Variants in SLC17A4 observed in about 807,000 individuals in gnomAD.
SLC17A4 encodes probable small intestine urate exporter.
SLC17A4 carries 33 observed loss-of-function variants against 52.5 expected under a neutral mutation model. That is an observed-to-expected ratio of 0.63 (90% CI 0.48 to 0.84). SLC17A4 has a LOEUF of 0.84. Among genes scored for constraint, SLC17A4 ranks in the 40% least tolerant of loss-of-function variants. The pLI, the probability that SLC17A4 is intolerant of heterozygous loss-of-function variation, is 0.00. For synonymous variants in SLC17A4, 225 were observed against 216.2 expected (o/e 1.04, Z -0.36); for missense variants, 585 against 597.1 (o/e 0.98, Z 0.21).
chr6:25,762,028 G>C lies in SLC17A4; in HGVS notation c.66G>C (p.Val22=). The C allele has an allele frequency of 6.2e-7, 1 of 1,613,260 alleles. No individual in the cohort carries two copies. Among genetic ancestry groups the C allele is most frequent in the African/African-American group, 1.3e-5 (1 of 74,990 alleles). The change falls in exon 2 of 12, where the codon GTG becomes GTC. Residue 22 remains valine (V), a synonymous_variant. Coordinates refer to ENST00000377905, the MANE Select transcript of SLC17A4 (RefSeq NM_005495.3). ...TTTCCAGTGATGGCAATTTAAACGT[G>C]GCTCAAGAGGAATGCTCCAGGAAAG... ...GDISSDGNLN[V]AQEECSRKGF... is the part of the protein sequence containing the mutation.
At chr6:25,769,853 A>G (rs1762333864) in intron 3 of SLC17A4, among the ~76,000 whole-genome samples, 1 of 151,414 alleles carries the variant, frequency 6.6e-6, no homozygotes. Context: ...ACTCTCTTAT[A>G]TTTTAATTTT....
chr6:25,760,021 C>A lies in SLC17A4; in HGVS notation c.-36-1906C>A, dbSNP rs367925605. Among the ~76,000 whole-genome samples the A allele has an allele frequency of 2.6e-5, 4 of 152,316 alleles. No homozygotes were observed. In the East Asian group the frequency reaches 7.7e-4, roughly 29 times the overall value. ...TGTGCTTATTAGTCTCTGGTACACA[C>A]CGTGAAGCAGCAATACAAGTGGGAG... is the stretch of plus-strand genomic sequence containing the variant. On this transcript the variant is annotated intron_variant, in intron 1 of 11. Transcript: ENST00000377905.
intron 6 of SLC17A4, among the ~76,000 whole-genome samples, 193 bp downstream of exon 6, chr6:25,771,205 G>A (rs1279767533): frequency 6.6e-6 from 1 of 152,134 alleles, no homozygotes; most frequent in Non-Finnish European, 1.5e-5. Context: ...GACATTAGAG[G>A]CATCATAACA....
chr6:25,765,970 C>G (rs1027018974), intron 2 of SLC17A4, among the ~76,000 whole-genome samples: 3 of 151,488 alleles, frequency 2.0e-5, no homozygotes, highest in African/African-American at 7.3e-5. Flanking sequence ...TAAATACAAG[C>G]AATTATGAGA....
At chr6:25,771,043 A>G (rs1199074671) in intron 6 of SLC17A4, 31 bp downstream of exon 6, 3 of 1,547,988 alleles carry the variant, frequency 1.9e-6, no homozygotes, top group Non-Finnish European at 2.7e-6. Flanking sequence ...TCCAATTTTT[A>G]TGACAGAGAC....
At chr6:25,762,831 C>T (rs151020638) in intron 2 of SLC17A4, among the ~76,000 whole-genome samples, 253 of 152,318 alleles carry the variant, frequency 1.7e-3, no homozygotes, top group African/African-American at 5.5e-3. Flanking sequence ...TTCCAGTAGT[C>T]TCGGCTGAAG....
intron 5 of SLC17A4, 99 bp downstream of exon 5, chr6:25,770,570 C>T: frequency 9.3e-7 from 1 of 1,074,242 alleles, no homozygotes; most frequent in Non-Finnish European, 1.4e-6. Context: ...ATCTCTGTGT[C>T]TTCATAGTCC....
At chr6:25,773,481 C>A (rs375875577) in intron 7 of SLC17A4, 32 bp from the exon 8 acceptor site, 1 of 1,612,882 alleles carries the variant, frequency 6.2e-7, no homozygotes, top group South Asian at 1.1e-5. Flanking sequence ...TGCCTTCTGA[C>A]GGAGGGGACA....
In SLC17A4 at chr6:25,780,444, T is replaced by C. The variant is rs1220453333; in HGVS notation, c.*1256T>C. 6.6e-6 allele frequency: 1 copy of C among 152,218 alleles called. No individual in the cohort carries two copies. The highest frequency in any genetic ancestry group is 2.4e-5 in the African/African-American group (1 of 41,450). 9.4% of individuals were successfully genotyped at this position (152,218 alleles called of 1,614,324 possible). ...TTCAGCTGAGCTGGGATCTGAAGGA[T>C]AATAGTTAACTGTTGTGGGAGACTG... On this transcript the variant is annotated 3_prime_UTR_variant, in exon 12 of 12. Coordinates refer to ENST00000377905, the MANE Select transcript of SLC17A4 (RefSeq NM_005495.3).
chr6:25,764,546 C>T (rs1379635147), intron 2 of SLC17A4, among the ~76,000 whole-genome samples: 1 of 152,188 alleles, frequency 6.6e-6, no homozygotes, highest in Non-Finnish European at 1.5e-5. Flanking sequence ...AGATTTAATA[C>T]AATTTGGAAG....
At chr6:25,774,113 C>T (rs1037155609) in intron 8 of SLC17A4, among the ~76,000 whole-genome samples, 7 of 152,156 alleles carry the variant, frequency 4.6e-5, no homozygotes, top group African/African-American at 1.4e-4. Context: ...GAAAATAAGA[C>T]ATTAATAGGA....
At chr6:25,767,822 A>G (rs1762147748) in intron 2 of SLC17A4, among the ~76,000 whole-genome samples, 1 of 152,232 alleles carries the variant, frequency 6.6e-6, no homozygotes, top group Non-Finnish European at 1.5e-5. Flanking sequence ...AACATAATCA[A>G]CTATATTTTT....
intron 2 of SLC17A4, chr6:25,768,431 T>A: frequency 1.0e-6 from 1 of 978,828 alleles, no homozygotes; most frequent in Non-Finnish European, 1.2e-6. Context: ...ACTAGCAAAT[T>A]TTGTGTAAGC....
chr6:25,774,429 T>C (rs996131654), intron 8 of SLC17A4, among the ~76,000 whole-genome samples: 1 of 152,192 alleles, frequency 6.6e-6, no homozygotes, highest in Non-Finnish European at 1.5e-5. Flanking sequence ...TGGGTTCCTC[T>C]GGTGAAAATG....
rs1762951003 is a variant in SLC17A4 at position 25,776,719 on chromosome 6, C to T, written c.1112C>T (p.Thr371Ile). ...CTCATCACCATCAGGAAACTCTTCA[C>T]TGCCATTGGTAAGGGAGAGACTGGA... Reference protein sequence around the residue: ...LRLITIRKLFTAIGVLFPSVI... With the variant: ...LRLITIRKLFIAIGVLFPSVI... Residue 371 changes from threonine (T) to isoleucine (I), a missense_variant, in exon 9 of 12, where the codon ACT becomes ATT. Physicochemically the swap from Thr to Ile is moderately conservative, Grantham distance 89. Transcript: ENST00000377905. 1.2e-6 allele frequency: 2 copies of T among 1,613,986 alleles called. No homozygotes were observed. Among genetic ancestry groups the T allele is most frequent in the East Asian group, 4.5e-5 (2 of 44,872 alleles).
rs866570216 is a variant in SLC17A4, at chr6:25,773,275, G to A, written c.707G>A (p.Gly236Glu). The A allele has an allele frequency of 6.2e-7, 1 of 1,612,670 alleles. No homozygotes were observed. The highest frequency in any genetic ancestry group is 8.5e-7 in the Non-Finnish European group (1 of 1,178,714). Residue 236 changes from glycine (G) to glutamate (E), a missense_variant and splice_region_variant, in exon 7 of 12, where the codon GGA becomes GAA. Transcript: ENST00000377905. The stretch of plus-strand genomic sequence containing the variant: ...TGCTAACTGGATCCCCTTTTCCTAG[G>A]AGGAATTGGCTGTGCTTGTTGTCCT... ...IGWPYVFYIF[G>E]GIGCACCPLW...
At chr6:25,774,182 A>G (rs1280653478) in intron 8 of SLC17A4, among the ~76,000 whole-genome samples, 5 of 152,222 alleles carry the variant, frequency 3.3e-5, no homozygotes, top group Non-Finnish European at 7.3e-5. Context: ...GTTTTAAAAA[A>G]TCATTTTTAT....
chr6:25,772,084 G>T (rs1283542124), intron 6 of SLC17A4, among the ~76,000 whole-genome samples: 2 of 152,058 alleles, frequency 1.3e-5, no homozygotes, highest in African/African-American at 4.8e-5. Context: ...TGTAAAATCA[G>T]GTGAATATAT....
At chr6:25,764,135 C>T (rs1361467997) in intron 2 of SLC17A4, among the ~76,000 whole-genome samples, 4 of 152,186 alleles carry the variant, frequency 2.6e-5, no homozygotes, top group Non-Finnish European at 5.9e-5. Flanking sequence ...CCTCACTTAT[C>T]CACCTGCAGC....
Sources: allele counts gnomAD v4.1 joint callset (sites outside exome capture counted in the v4.1 genomes callset), GRCh38; gene constraint gnomAD v4.1.1; transcripts MANE v1.5; gene names NCBI Gene and HGNC (gene_info 2026-07-23, HGNC 2026-07-21).